KCNIP4: variants seen among roughly 807,000 people sequenced by gnomAD.
KCNIP4 encodes the protein potassium voltage-gated channel interacting protein 4, also known as Kv channel-interacting protein 4.
Under a neutral mutation model 34.0 loss-of-function variants are expected in KCNIP4, and 12 were observed. The ratio of observed to expected loss-of-function variants is 0.35; its 90% confidence interval spans 0.23 to 0.57. The LOEUF (loss-of-function observed/expected upper bound fraction) is 0.57, where lower values mean the gene tolerates loss of function less well. Among genes scored for constraint, KCNIP4 ranks in the 20% least tolerant of loss-of-function variants. KCNIP4 has a pLI of 0.83. For missense variants in KCNIP4, 238 were observed against 311.7 expected (o/e 0.76, Z 1.78); for synonymous variants, 124 against 102.2 (o/e 1.21, Z -1.29).
intron 1 of KCNIP4, among the ~76,000 whole-genome samples, chr4:21,533,864 T>G (rs1204109729): frequency 1.3e-5 from 2 of 152,148 alleles, no homozygotes; most frequent in Admixed American, 1.3e-4. Flanking sequence ...TGAATAGCCA[T>G]TGAGCTCTGG....
At chr4:21,181,443 C>T (rs1754834679) in intron 1 of KCNIP4, among the ~76,000 whole-genome samples, 1 of 152,114 alleles carries the variant, frequency 6.6e-6, no homozygotes, top group African/African-American at 2.4e-5. Flanking sequence ...TAAGATTCTA[C>T]TATAGGTGGG....
At chr4:21,028,679 C>T (rs1487478882) in intron 1 of KCNIP4, among the ~76,000 whole-genome samples, 1 of 152,080 alleles carries the variant, frequency 6.6e-6, no homozygotes, top group Non-Finnish European at 1.5e-5. Context: ...TGCTAGATGC[C>T]AGTGATAGGA....
At chr4:20,961,625 T>C (rs995911816) in intron 1 of KCNIP4, among the ~76,000 whole-genome samples, 5 of 152,212 alleles carry the variant, frequency 3.3e-5, no homozygotes, top group Non-Finnish European at 5.9e-5. Context: ...AACTGAGTGC[T>C]TGTATAAACT....
chr4:21,166,472 T>C (rs1160967774), intron 1 of KCNIP4, among the ~76,000 whole-genome samples: 1 of 152,204 alleles, frequency 6.6e-6, no homozygotes, highest in Non-Finnish European at 1.5e-5. Context: ...AAGTAGTTTA[T>C]CTGTCTTCTA....
chr4:21,558,275 T>C (rs957799261), intron 1 of KCNIP4, among the ~76,000 whole-genome samples: 2 of 152,080 alleles, frequency 1.3e-5, no homozygotes, highest in African/African-American at 2.4e-5. Flanking sequence ...GTGGATCACT[T>C]GAGGCCAGGA....
intron 1 of KCNIP4, among the ~76,000 whole-genome samples, chr4:21,452,801 G>GA (rs894201715): frequency 2.0e-5 from 3 of 149,936 alleles, no homozygotes; most frequent in Admixed American, 6.7e-5. Flanking sequence ...AAAAAAAACA[G>GA]AAAAAAAGAA....
At chr4:21,347,224 G>A (rs923682007) in intron 1 of KCNIP4, among the ~76,000 whole-genome samples, 4 of 152,202 alleles carry the variant, frequency 2.6e-5, no homozygotes, top group South Asian at 4.1e-4. Flanking sequence ...GCTACCAGGA[G>A]AGAATCATAA....
At chr4:21,688,909 C>T (rs187042327) in intron 1 of KCNIP4, among the ~76,000 whole-genome samples, 46 of 152,054 alleles carry the variant, frequency 3.0e-4, no homozygotes, top group East Asian at 5.8e-4. Context: ...TTTACAGTCC[C>T]GTTGCTTCAC....
At chr4:21,199,888 G>T (rs371605975) in intron 1 of KCNIP4, among the ~76,000 whole-genome samples, 4 of 152,226 alleles carry the variant, frequency 2.6e-5, no homozygotes, top group African/African-American at 9.6e-5. Context: ...CATGTCCTTT[G>T]CAGGGACATG....
At chr4:21,106,339 T>C (rs1748531237) in intron 1 of KCNIP4, among the ~76,000 whole-genome samples, 2 of 151,728 alleles carry the variant, frequency 1.3e-5, no homozygotes, top group Non-Finnish European at 2.9e-5. Flanking sequence ...GGTGTATGTG[T>C]CGAGGAATTT....
intron 1 of KCNIP4, among the ~76,000 whole-genome samples, chr4:21,574,934 C>G (rs1437227921): frequency 6.6e-6 from 1 of 151,990 alleles, no homozygotes. Context: ...TATTTTATAC[C>G]AATTCACTCT....
intron 1 of KCNIP4, among the ~76,000 whole-genome samples, chr4:21,477,737 G>A (rs1156967452): frequency 6.6e-6 from 1 of 152,142 alleles, no homozygotes; most frequent in East Asian, 1.9e-4. Context: ...TCTTATGAGT[G>A]CACCATGTAC....
intron 1 of KCNIP4, among the ~76,000 whole-genome samples, chr4:21,516,057 G>T (rs1734732238): frequency 1.3e-5 from 2 of 152,138 alleles, no homozygotes; most frequent in Admixed American, 1.3e-4. Flanking sequence ...ATTGTTCAAT[G>T]ACAGAATAAA....
chr4:21,784,445 A>G (rs1352561119), intron 1 of KCNIP4, among the ~76,000 whole-genome samples: 1 of 152,172 alleles, frequency 6.6e-6, no homozygotes, highest in Non-Finnish European at 1.5e-5. Context: ...TTTTTGATTA[A>G]AAAATCACAT....
chr4:21,577,715 ACT>A (rs2109064386), intron 1 of KCNIP4, among the ~76,000 whole-genome samples: 1 of 152,068 alleles, frequency 6.6e-6, no homozygotes, highest in Non-Finnish European at 1.5e-5. Flanking sequence ...GCCGTTGCAC[ACT>A]CTGCTTCCTC....
At chr4:20,855,726 A>C (rs1467838020) in intron 2 of KCNIP4, among the ~76,000 whole-genome samples, 1 of 152,146 alleles carries the variant, frequency 6.6e-6, no homozygotes, top group Admixed American at 6.6e-5. Flanking sequence ...AAAATGAGTA[A>C]TAGGAGATGA....
At chr4:21,825,837 A>G (rs984920494) in intron 1 of KCNIP4, among the ~76,000 whole-genome samples, 4 of 152,160 alleles carry the variant, frequency 2.6e-5, no homozygotes, top group African/African-American at 7.2e-5. Flanking sequence ...AGGTGTTTAC[A>G]AGTTCTGTGA....
At chr4:21,857,754 T>C (rs1471833657) in intron 1 of KCNIP4, among the ~76,000 whole-genome samples, 2 of 152,192 alleles carry the variant, frequency 1.3e-5, no homozygotes, top group African/African-American at 4.8e-5. Context: ...CAGGTTCTGC[T>C]GAATGGCAGG....
chr4:21,898,570 G>A (rs1255235311), intron 1 of KCNIP4, among the ~76,000 whole-genome samples: 1 of 152,118 alleles, frequency 6.6e-6, no homozygotes. Flanking sequence ...AATGGAAAGA[G>A]CCAGTCCTGG....
Sources: gnomAD v4.1 joint callset for allele counts (sites outside exome capture counted in the v4.1 genomes callset) on GRCh38, gnomAD v4.1.1 for gene constraint, MANE v1.5 for transcripts, NCBI Gene and HGNC (gene_info 2026-07-23, HGNC 2026-07-21) for gene names.